Variants in NRXN3 observed in about 807,000 individuals in gnomAD.
The protein encoded by NRXN3 is neurexin 3.
A neutral mutation model predicts 137.6 loss-of-function variants in NRXN3; 32 were observed. The ratio of observed to expected loss-of-function variants is 0.23; its 90% CI spans 0.18 to 0.31. The LOEUF is 0.31. Ranked by LOEUF, NRXN3 falls within the 10% of genes least tolerant of loss-of-function variation. The probability of loss-of-function intolerance (pLI) is 1.00; values close to 1 mark genes in which losing one functional copy is unlikely to be tolerated. For synonymous variants in NRXN3, 798 were observed against 784.5 expected (o/e 1.02, Z -0.29); for missense variants, 1,574 against 2,062.5 (o/e 0.76, Z 4.59).
chr14:78,498,731 G>A (rs987907782), intron 4 of NRXN3, among the ~76,000 whole-genome samples: 3 of 152,102 alleles, frequency 2.0e-5, no homozygotes, highest in African/African-American at 4.8e-5. Context: ...TTAGAAGCAC[G>A]TGAGAAGTAA....
intron 6 of NRXN3, among the ~76,000 whole-genome samples, chr14:78,664,142 TC>T (rs2097862386): frequency 1.3e-5 from 2 of 152,144 alleles, no homozygotes; most frequent in Admixed American, 6.5e-5. Flanking sequence ...AATAAAATTC[TC>T]CTCCTTCCCT....
chr14:79,418,438 G>A (rs116482410), intron 15 of NRXN3, among the ~76,000 whole-genome samples: 75 of 152,230 alleles, frequency 4.9e-4, no homozygotes, highest in African/African-American at 1.7e-3. Flanking sequence ...ATTTTAAGGC[G>A]TTAAAACCAT....
intron 8 of NRXN3, among the ~76,000 whole-genome samples, chr14:78,776,841 A>G (rs2153012187): frequency 6.6e-6 from 1 of 152,316 alleles, no homozygotes; most frequent in Non-Finnish European, 1.5e-5. Flanking sequence ...ATCAGAGACC[A>G]ACTGGAGAGT....
chr14:79,224,858 A>G (rs1228637291), intron 15 of NRXN3, among the ~76,000 whole-genome samples: 2 of 152,222 alleles, frequency 1.3e-5, no homozygotes, highest in Non-Finnish European at 2.9e-5. Context: ...ATTGCTGCCA[A>G]CTACCAACAG....
In NRXN3 at chr14:78,243,923, C is replaced by G. The variant is rs535706990; in HGVS notation, c.709+121C>G. On this transcript the variant is annotated intron_variant, in intron 2 of 20. Transcript: ENST00000335750. This position sits in a 1 kb window ranked among gnomAD's most constrained non-coding sequence, Gnocchi z 4.2. ...TAGCTGCATGTTAGATCACTGGGCC[C>G]CTTGCCCTAAGGAGGCAGTGGAAAT... 6 of 732,904 alleles carry G rather than the reference C, an allele frequency of 8.2e-6. No individual in the cohort carries two copies. The highest frequency in any genetic ancestry group is 5.3e-5 in the East Asian group (2 of 37,968). The allele number at this position is 732,904 out of a possible 1,614,324, so 45.4% of individuals were successfully genotyped here. A position where few individuals can be genotyped will look rare whatever the true frequency, so the allele number is the denominator to read the frequency against.
chr14:78,710,779 G>A (rs2098400585), intron 7 of NRXN3, among the ~76,000 whole-genome samples: 1 of 152,172 alleles, frequency 6.6e-6, no homozygotes, highest in Non-Finnish European at 1.5e-5. Flanking sequence ...TAGCAATATT[G>A]CCCTTAGGAA....
chr14:78,709,592 A>G lies in NRXN3; in HGVS notation c.1597A>G (p.Thr533Ala). 1 of 1,614,032 alleles carries G rather than the reference A, an allele frequency of 6.2e-7. No homozygotes were observed. Among genetic ancestry groups the G allele is most frequent in the East Asian group, 2.2e-5 (1 of 44,848 alleles). Reference sequence around the variant, plus strand: ...CTCTGGCACCATCAAAGTGAAAGCCACTCAGAAGAAAGCCAATGATGGGGA... The same window carrying G: ...CTCTGGCACCATCAAAGTGAAAGCCGCTCAGAAGAAAGCCAATGATGGGGA... ...MGSGTIKVKA[T>A]QKKANDGEWY... Residue 533 changes from threonine (T) to alanine (A), a missense_variant, in exon 7 of 21, where the codon ACT (threonine) becomes GCT (alanine). Coordinates refer to ENST00000335750, the MANE Select transcript of NRXN3 (RefSeq NM_001330195.2).
At chr14:79,735,350 TC>T (rs369038154) in intron 19 of NRXN3, among the ~76,000 whole-genome samples, 1 of 152,258 alleles carries the variant, frequency 6.6e-6, no homozygotes, top group African/African-American at 2.4e-5. Context: ...ACTAATTTTT[TC>T]CACAGCAAAA....
intron 4 of NRXN3, among the ~76,000 whole-genome samples, chr14:78,432,811 C>T (rs59408728): frequency 0.19 from 28,427 of 152,088 alleles, 4,806 homozygotes; most frequent in African/African-American, 0.45. Context: ...GAAACTGTGG[C>T]AGTAAGGAGT....
chr14:79,123,216 C>T (rs1055293390), intron 15 of NRXN3, among the ~76,000 whole-genome samples: 6 of 151,650 alleles, frequency 4.0e-5, no homozygotes, highest in East Asian at 3.9e-4. Flanking sequence ...GCTGTGTGTG[C>T]GTGTGTGTGT....
intron 10 of NRXN3, among the ~76,000 whole-genome samples, chr14:78,955,230 AAGAC>A (rs1027476600): frequency 2.0e-5 from 3 of 152,196 alleles, no homozygotes; most frequent in Admixed American, 6.5e-5. Context: ...TAAAAAAACA[AAGAC>A]AGATTTGTTT....
At position 79,004,399 on chromosome 14, in the gene NRXN3, C is replaced by G. The variant is rs533171795; in HGVS notation, c.3262+16258C>G. Among the ~76,000 whole-genome samples, 24 of 152,290 alleles carry G rather than the reference C, an allele frequency of 1.6e-4. No individual in the cohort carries two copies. The East Asian group carries it at 4.6e-3, about 29-fold the overall frequency. ...TAGCTGGGACTACAGGCACATGCCA[C>G]CATGTCCAGCTACTTTGGCATTTTT... is the stretch of plus-strand genomic sequence containing the variant. On this transcript the variant is annotated intron_variant, in intron 15 of 20. Coordinates refer to ENST00000335750, the MANE Select transcript of NRXN3 (RefSeq NM_001330195.2).
At chr14:78,449,159 G>A (rs2094492798) in intron 4 of NRXN3, among the ~76,000 whole-genome samples, 1 of 152,088 alleles carries the variant, frequency 6.6e-6, no homozygotes, top group African/African-American at 2.4e-5. Flanking sequence ...CTCTCTCTGT[G>A]TCTTCCTCAT....
chr14:78,224,007 G>A (rs898385745), intron 1 of NRXN3, among the ~76,000 whole-genome samples: 14 of 152,042 alleles, frequency 9.2e-5, no homozygotes, highest in Non-Finnish European at 1.8e-4. Flanking sequence ...CTGGATATGA[G>A]CCGTGGCCAC....
At chr14:78,783,496 G>T (rs2098777327) in intron 8 of NRXN3, among the ~76,000 whole-genome samples, 1 of 152,106 alleles carries the variant, frequency 6.6e-6, no homozygotes. Flanking sequence ...TGGGAAAATA[G>T]TAAAATTTGA....
chr14:79,127,207 T>G (rs921417087), intron 15 of NRXN3, among the ~76,000 whole-genome samples: 1 of 152,226 alleles, frequency 6.6e-6, no homozygotes, highest in African/African-American at 2.4e-5. Context: ...ATTTTGGCTT[T>G]GGTTGCCATT....
At chr14:78,277,326 G>A (rs2073748971) in intron 2 of NRXN3, among the ~76,000 whole-genome samples, 1 of 152,154 alleles carries the variant, frequency 6.6e-6, no homozygotes, top group African/African-American at 2.4e-5. Flanking sequence ...AGGGCAGGTG[G>A]GAGACGCTCA....
intron 4 of NRXN3, among the ~76,000 whole-genome samples, chr14:78,376,194 G>A (rs955646791): frequency 6.6e-6 from 1 of 152,174 alleles, no homozygotes; most frequent in African/African-American, 2.4e-5. Flanking sequence ...CAAACTCAAA[G>A]TTCTACAGGA....
intron 19 of NRXN3, among the ~76,000 whole-genome samples, chr14:79,766,407 A>C (rs1434474363): frequency 6.6e-6 from 1 of 152,178 alleles, no homozygotes; most frequent in African/African-American, 2.4e-5. Flanking sequence ...CACCCCTAAT[A>C]GACGCTTATT....
Sources: allele counts gnomAD v4.1 joint callset (sites outside exome capture counted in the v4.1 genomes callset), GRCh38; gene constraint gnomAD v4.1.1; non-coding constraint Gnocchi (gnomAD v3.1); transcripts MANE v1.5; gene names NCBI Gene and HGNC (gene_info 2026-07-23, HGNC 2026-07-21).